C8orf82: variants seen among roughly 807,000 people sequenced by gnomAD.
C8orf82 encodes the protein chromosome 8 open reading frame 82.
C8orf82 carries 24 observed loss-of-function variants against 15.0 expected under a neutral mutation model. The observed-to-expected ratio is 1.60, with a 90% CI of 1.16 to 2.24. The LOEUF is 2.24. Among genes scored for constraint, C8orf82 ranks in the 30% most tolerant of loss-of-function variants. The probability of loss-of-function intolerance (pLI) is 0.00; values close to 1 mark genes in which losing one functional copy is unlikely to be tolerated. For missense variants in C8orf82, 388 were observed against 317.4 expected (o/e 1.22, Z -1.69); for synonymous variants, 205 against 152.2 (o/e 1.35, Z -2.55).
Position 144,527,626 on chromosome 8 carries a change from C to G in C8orf82, c.367G>C (p.Gly123Arg), listed in dbSNP as rs1350922640. ...VFTHLLTADHGPPRLSYCGGG... is the reference protein window; with the variant it reads ...VFTHLLTADHRPPRLSYCGGG... The stretch of plus-strand genomic sequence containing the variant: ...CCGCAGTAGGAGAGGCGCGGAGGCC[C>G]GTGGTCCGCGGTCAGCAGGTGCGTG... Residue 123 changes from glycine to arginine, a missense_variant, in exon 3 of 3, where the codon GGG becomes CGG. Transcript: ENST00000524821. 5 of 1,533,390 alleles carry G rather than the reference C, an allele frequency of 3.3e-6. No individual in the cohort carries two copies. Among genetic ancestry groups the G allele is most frequent in the South Asian group, 2.4e-5 (2 of 84,082 alleles). The allele number at this position is 1,533,390 out of a possible 1,614,324, so 95.0% of individuals were successfully genotyped here. A position where few individuals can be genotyped will look rare whatever the true frequency, so the allele number is the denominator to read the frequency against.
Position 144,527,263 on chromosome 8 carries a change from G to T in C8orf82, c.*79C>A. The T allele has an allele frequency of 9.9e-7, 1 of 1,008,730 alleles. No homozygotes were observed. The highest frequency in any genetic ancestry group is 1.2e-6 in the Non-Finnish European group (1 of 810,110). The allele number at this position is 1,008,730 out of a possible 1,614,324, so 62.5% of individuals were successfully genotyped here. On this transcript the variant is annotated 3_prime_UTR_variant, in exon 3 of 3. Coordinates refer to ENST00000524821, the MANE Select transcript of C8orf82 (RefSeq NM_001001795.2). ...CTAGGCTGCCGCGAGCGCGGGTGGC[G>T]CGGGCTTTCCGGGGCGTGGAGTCCC...
chr8:144,528,994 C>T lies in C8orf82; in HGVS notation c.-78G>A, dbSNP rs1031990133. 16 of 1,360,120 alleles carry T rather than the reference C, an allele frequency of 1.2e-5. No homozygotes were observed. The highest frequency in any genetic ancestry group is 3.7e-5 in the Admixed American group (1 of 26,894). 84.3% of individuals were successfully genotyped at this position (1,360,120 alleles called of 1,614,324 possible). A position where few individuals can be genotyped will look rare whatever the true frequency, so the allele number is the denominator to read the frequency against. ...CGAACTCGCGCCTGCCCGCAGTAGC[C>T]CCGCGCTTCGCGTTCCGGCGGCGCC... On this transcript the variant is annotated 5_prime_UTR_variant, in exon 1 of 3. Transcript: ENST00000524821.
At chr8:144,527,948 C>T (rs954278712) in intron 2 of C8orf82, 76 bp downstream of exon 2, 9 of 1,545,956 alleles carry the variant, frequency 5.8e-6, no homozygotes, top group African/African-American at 5.4e-5. Flanking sequence ...CTGGGCCCGT[C>T]GGCAGAGTCG....
rs1816348379 is a variant in C8orf82 at position 144,526,073 on chromosome 8, C to T, written c.*1269G>A. On this transcript the variant is annotated 3_prime_UTR_variant, in exon 3 of 3. Transcript: ENST00000524821. ...CAGGTGTCCTGTCTCCCAGCCTCAT[C>T]TGGCCGGCCTCCCCAAACATTTGCC... The T allele has an allele frequency of 6.6e-6, 1 of 152,244 alleles. No individual in the cohort carries two copies. The highest frequency in any genetic ancestry group is 1.5e-5 in the Non-Finnish European group (1 of 68,042). The allele number at this position is 152,244 out of a possible 1,614,324, so 9.4% of individuals were successfully genotyped here.
chr8:144,527,716 G>C lies in C8orf82; in HGVS notation c.277C>G (p.Pro93Ala), dbSNP rs538441298. The C allele has an allele frequency of 1.3e-5, 20 of 1,590,618 alleles. No homozygotes were observed. The African/African-American group carries it at 2.5e-4, about 20-fold the overall frequency. The stretch of plus-strand genomic sequence containing the variant: ...TCTCTGCCGCAGGGCGAGAGGAAGG[G>C]GAAAGCGGCCTCGTAGCGCCCGCTG... ...NRSGRYEAAF[P>A]FLSPCGRERN... The change falls in exon 3 of 3, where the codon CCC (proline) becomes GCC (alanine). Residue 93 changes from proline (P) to alanine (A), a missense_variant. Coordinates refer to ENST00000524821, the MANE Select transcript of C8orf82 (RefSeq NM_001001795.2).
At position 144,528,742 on chromosome 8, in the gene C8orf82, CG is replaced by C. The variant is rs1714854499; in HGVS notation, c.156+18del. 1 of 1,293,832 alleles carries C rather than the reference CG, an allele frequency of 7.7e-7. No homozygotes were observed. The highest frequency in any genetic ancestry group is 1.6e-5 in the African/African-American group (1 of 63,000). The allele number at this position is 1,293,832 out of a possible 1,614,324, so 80.1% of individuals were successfully genotyped here. On this transcript the variant is annotated intron_variant, in intron 1 of 2. Coordinates refer to ENST00000524821, the MANE Select transcript of C8orf82 (RefSeq NM_001001795.2). Reference sequence around the variant, plus strand: ...TCTCCCGGCCCCGCCTCTCGAGCAACGGCCCTGCCCCCGCCCACCTGGCCCT... The same window carrying C: ...TCTCCCGGCCCCGCCTCTCGAGCAACGCCCTGCCCCCGCCCACCTGGCCCT...
In C8orf82 at chr8:144,526,773, G is replaced by C. The variant is rs1816377751; in HGVS notation, c.*569C>G. 6.6e-6 allele frequency: 1 copy of C among 152,258 alleles called. No homozygotes were observed. Among genetic ancestry groups the C allele is most frequent in the South Asian group, 2.1e-4 (1 of 4,838 alleles). The allele number at this position is 152,258 out of a possible 1,614,324, so 9.4% of individuals were successfully genotyped here. A position where few individuals can be genotyped will look rare whatever the true frequency, so the allele number is the denominator to read the frequency against. On this transcript the variant is annotated 3_prime_UTR_variant, in exon 3 of 3. Transcript: ENST00000524821. ...GCGACCTGGTGCCTGTATCCCCCAC[G>C]GCCTCCTCTGCTACCCACGAGAGCC...
At position 144,527,408 on chromosome 8, in the gene C8orf82, C is replaced by G; in HGVS notation, c.585G>C (p.Trp195Cys). 8.1e-7 allele frequency: 1 copy of G among 1,241,982 alleles called. No homozygotes were observed. The highest frequency in any genetic ancestry group is 1.0e-6 in the Non-Finnish European group (1 of 988,860). 76.9% of individuals were successfully genotyped at this position (1,241,982 alleles called of 1,614,324 possible). A position where few individuals can be genotyped will look rare whatever the true frequency, so the allele number is the denominator to read the frequency against. The change falls in exon 3 of 3, where the codon TGG (tryptophan) becomes TGC (cysteine). Residue 195 changes from tryptophan to cysteine, a missense_variant. Coordinates refer to ENST00000524821, the MANE Select transcript of C8orf82 (RefSeq NM_001001795.2). ...TGGTGAGGGCGAGGCGGCGGCCCTG[C>G]CAGCGCACGTGCGAGGGCAGCGCAG... is the stretch of plus-strand genomic sequence containing the variant. ...GAPALPSHVR[W>C]QGRRLALTMD...
chr8:144,528,954 G>C lies in C8orf82; in HGVS notation c.-38C>G, dbSNP rs888683727. The C allele has an allele frequency of 2.0e-6, 3 of 1,484,646 alleles. No homozygotes were observed. The highest frequency in any genetic ancestry group is 2.7e-6 in the Non-Finnish European group (3 of 1,121,952). 92.0% of individuals were successfully genotyped at this position (1,484,646 alleles called of 1,614,324 possible). On this transcript the variant is annotated 5_prime_UTR_variant, in exon 1 of 3. Transcript: ENST00000524821. ...CCGGAAGCGACCAGCAGGTCACGCC[G>C]GGGGCGGTGCTGCGCGAACTCGCGC...
chr8:144,527,846 G>C (rs745792384), intron 2 of C8orf82, 59 bp from the exon 3 acceptor site: 31 of 1,569,514 alleles, frequency 2.0e-5, no homozygotes, highest in Middle Eastern at 3.3e-4. Flanking sequence ...TCCGGGCCCA[G>C]GACCATACCG....
intron 1 of C8orf82, chr8:144,528,553 C>G: frequency 1.5e-6 from 2 of 1,317,260 alleles, no homozygotes; most frequent in Non-Finnish European, 2.0e-6. Context: ...GACCCAACTC[C>G]CCGTCTTTCC....
Position 144,527,540 on chromosome 8 carries a change from G to C in C8orf82, c.453C>G (p.Asn151Lys). 2.2e-6 allele frequency: 3 copies of C among 1,394,692 alleles called. No individual in the cohort carries two copies. The highest frequency in any genetic ancestry group is 1.8e-6 in the Non-Finnish European group (2 of 1,081,872). 86.4% of individuals were successfully genotyped at this position (1,394,692 alleles called of 1,614,324 possible). ...EPARLLPLAA[N>K]GRLYHPAPER... ...CCGGCGCCGGGTGGTACAGGCGCCC[G>C]TTGGCGGCCAGGGGCAGCAGGCGCG... is the stretch of plus-strand genomic sequence containing the variant. The change falls in exon 3 of 3, where the codon AAC becomes AAG. Residue 151 changes from asparagine to lysine, a missense_variant. Asn to Lys is a moderately conservative substitution (Grantham distance 94). Coordinates refer to ENST00000524821, the MANE Select transcript of C8orf82 (RefSeq NM_001001795.2).
At position 144,529,059 on chromosome 8, in the gene C8orf82, C is replaced by T; in HGVS notation, c.-143G>A. ...GGGCCCGGCGCTCTTCCCTCTCCCT[C>T]GGGCCTCGGGGGCTCGCCCGCCCTG... On this transcript the variant is annotated 5_prime_UTR_variant, in exon 1 of 3. Coordinates refer to ENST00000524821, the MANE Select transcript of C8orf82 (RefSeq NM_001001795.2). 6.1e-6 allele frequency: 5 copies of T among 824,516 alleles called. No individual in the cohort carries two copies. The highest frequency in any genetic ancestry group is 3.5e-5 in the East Asian group (1 of 28,206). The allele number at this position is 824,516 out of a possible 1,614,324, so 51.1% of individuals were successfully genotyped here.
In C8orf82 at chr8:144,528,022, A is replaced by G; in HGVS notation, c.205+2T>C. 1.2e-6 allele frequency: 2 copies of G among 1,612,482 alleles called. No individual in the cohort carries two copies. Among genetic ancestry groups the G allele is most frequent in the Non-Finnish European group, 1.7e-6 (2 of 1,179,738 alleles). On this transcript the variant is annotated splice_donor_variant, in intron 2 of 2. Transcript: ENST00000524821. LOFTEE classifies it high-confidence loss of function. Reference sequence around the variant, plus strand: ...GGGCTGGAGAGGGAGGCACAGCATTACCTTTGAAGCAGGTGATGAAATTCT... The same window carrying G: ...GGGCTGGAGAGGGAGGCACAGCATTGCCTTTGAAGCAGGTGATGAAATTCT...
Position 144,527,298 on chromosome 8 carries a change from G to C in C8orf82, c.*44C>G. 4.4e-6 allele frequency: 5 copies of C among 1,140,388 alleles called. No homozygotes were observed. The highest frequency in any genetic ancestry group is 5.4e-6 in the Non-Finnish European group (5 of 923,892). The allele number at this position is 1,140,388 out of a possible 1,614,324, so 70.6% of individuals were successfully genotyped here. On this transcript the variant is annotated 3_prime_UTR_variant, in exon 3 of 3. Coordinates refer to ENST00000524821, the MANE Select transcript of C8orf82 (RefSeq NM_001001795.2). The stretch of plus-strand genomic sequence containing the variant: ...CGGGGCGTGGAGTCCCGGGGGAGCG[G>C]GGCGAGAGGCGCCCGCGGCCTCCCG...
rs138856062 is a variant in C8orf82, at chr8:144,528,743, G to A, written c.156+18C>T. On this transcript the variant is annotated intron_variant, in intron 1 of 2. Coordinates refer to ENST00000524821, the MANE Select transcript of C8orf82 (RefSeq NM_001001795.2). ...CTCCCGGCCCCGCCTCTCGAGCAAC[G>A]GCCCTGCCCCCGCCCACCTGGCCCT... 31,828 of 1,069,780 alleles carry A rather than the reference G, an allele frequency of 0.03. 5,398 individuals are homozygous for A. In the African/African-American group the frequency reaches 0.43, roughly 14 times the overall value. 66.3% of individuals were successfully genotyped at this position (1,069,780 alleles called of 1,614,324 possible). A position where few individuals can be genotyped will look rare whatever the true frequency, so the allele number is the denominator to read the frequency against.
chr8:144,528,195 G>A (rs781412616), intron 1 of C8orf82, 123 bp from the exon 2 acceptor site: 5 of 1,518,756 alleles, frequency 3.3e-6, no homozygotes, highest in Non-Finnish European at 4.4e-6. Context: ...GCTTGTCTGT[G>A]CACACCGCAT....
intron 1 of C8orf82, 173 bp from the exon 2 acceptor site, chr8:144,528,245 G>C: frequency 6.7e-7 from 1 of 1,488,308 alleles, no homozygotes; most frequent in Non-Finnish European, 8.9e-7. Flanking sequence ...GGGCCCCGCC[G>C]ACTTATCCGC....
chr8:144,527,858 G>A, intron 2 of C8orf82, 71 bp from the exon 3 acceptor site: 3 of 1,552,732 alleles, frequency 1.9e-6, no homozygotes, highest in Non-Finnish European at 2.6e-6. Context: ...ACCATACCGA[G>A]GGCAGGCGCC....
Sources: gnomAD v4.1 joint callset for allele counts on GRCh38, gnomAD v4.1.1 for gene constraint, MANE v1.5 for transcripts, NCBI Gene and HGNC (gene_info 2026-07-23, HGNC 2026-07-21) for gene names.